SNX3: variants seen among roughly 807,000 people sequenced by gnomAD.
SNX3 encodes the protein sorting nexin-3.
A neutral mutation model predicts 17.7 loss-of-function variants in SNX3; 5 were observed. The observed-to-expected ratio is 0.28, with a 90% CI of 0.15 to 0.59. The LOEUF is 0.59. SNX3 is among the 20% of genes least tolerant of loss of function. The probability of loss-of-function intolerance (pLI) is 0.88; values close to 1 mark genes in which losing one functional copy is unlikely to be tolerated. For missense variants in SNX3, 132 were observed against 206.8 expected (o/e 0.64, Z 2.22); for synonymous variants, 91 against 76.5 (o/e 1.19, Z -0.99).
chr6:108,219,381 G>A (rs1774685496), intron 2 of SNX3, among the ~76,000 whole-genome samples: 1 of 152,106 alleles, frequency 6.6e-6, no homozygotes, highest in African/African-American at 2.4e-5. Context: ...CAAGGCAGGA[G>A]GATTACTTGA....
At chr6:108,229,182 C>G (rs1775061671) in intron 1 of SNX3, among the ~76,000 whole-genome samples, 1 of 150,628 alleles carries the variant, frequency 6.6e-6, no homozygotes, top group Non-Finnish European at 1.5e-5. Context: ...ATCGCTTGAA[C>G]CCGGGAGGCG....
chr6:108,227,709 CCATTA>C (rs1775017055), intron 1 of SNX3, among the ~76,000 whole-genome samples: 1 of 152,136 alleles, frequency 6.6e-6, no homozygotes, highest in South Asian at 2.1e-4. Flanking sequence ...CATCACTTGC[CCATTA>C]CATATGCAGT....
intron 1 of SNX3, among the ~76,000 whole-genome samples, chr6:108,235,904 T>C (rs1387311753): frequency 6.6e-6 from 1 of 152,098 alleles, no homozygotes; most frequent in Non-Finnish European, 1.5e-5. Flanking sequence ...AGAAAAAGTA[T>C]ATAGACTTGT....
chr6:108,214,670 A>G, intron 2 of SNX3, 48 bp from the exon 3 acceptor site: 1 of 1,583,678 alleles, frequency 6.3e-7, no homozygotes, highest in Non-Finnish European at 8.6e-7. Flanking sequence ...CTGGGTTGTG[A>G]AAATTTATAG....
At position 108,258,457 on chromosome 6, in the gene SNX3, CA is replaced by C. The variant is rs531778288; in HGVS notation, c.162+2302del. Reference sequence around the variant, plus strand: ...TGGGCAACAGAGCGAGACTCCGTCTCAAAAAAAAAAAAAAAAAATTTTCTTT... The same window carrying C: ...TGGGCAACAGAGCGAGACTCCGTCTCAAAAAAAAAAAAAAAAATTTTCTTT... On this transcript the variant is annotated intron_variant, in intron 1 of 3. Transcript: ENST00000230085. Among the ~76,000 whole-genome samples the C allele has an allele frequency of 8.7e-3, 777 of 88,870 alleles. 4 individuals are homozygous for C. Among genetic ancestry groups the C allele is most frequent in the Middle Eastern group, 0.026 (4 of 154 alleles). 58.3% of individuals were successfully genotyped at this position (88,870 alleles called of 152,430 possible). A position where few individuals can be genotyped will look rare whatever the true frequency, so the allele number is the denominator to read the frequency against.
chr6:108,216,610 G>T (rs1191974674), intron 2 of SNX3, among the ~76,000 whole-genome samples: 1 of 152,062 alleles, frequency 6.6e-6, no homozygotes, highest in African/African-American at 2.4e-5. Context: ...AGAACAAGGA[G>T]AAATATATAT....
At chr6:108,221,532 CTT>C (rs554429322) in intron 2 of SNX3, among the ~76,000 whole-genome samples, 4 of 57,780 alleles carry the variant, frequency 6.9e-5, no homozygotes, top group South Asian at 9.6e-4. Context: ...CAGTATTACA[CTT>C]TTTTTTTTTT....
intron 1 of SNX3, among the ~76,000 whole-genome samples, chr6:108,237,135 A>G (rs1775370802): frequency 6.6e-6 from 1 of 152,238 alleles, no homozygotes; most frequent in Non-Finnish European, 1.5e-5. Flanking sequence ...GCTTAGCACA[A>G]TTTAAAATAT....
intron 1 of SNX3, 142 bp from the exon 2 acceptor site, chr6:108,223,187 G>A (rs2114716703): frequency 1.7e-6 from 1 of 590,492 alleles, no homozygotes; most frequent in Non-Finnish European, 3.0e-6. Context: ...TGCCTAGGCT[G>A]GAGTGCAATG....
intron 1 of SNX3, chr6:108,252,536 A>G (rs1356989231): frequency 2.6e-5 from 4 of 152,296 alleles, no homozygotes; most frequent in African/African-American, 9.7e-5. Flanking sequence ...ACTGTGTCCG[A>G]GGCAATGATG....
At chr6:108,225,170 TA>T (rs2114719930) in intron 1 of SNX3, among the ~76,000 whole-genome samples, 1 of 152,210 alleles carries the variant, frequency 6.6e-6, no homozygotes, top group South Asian at 2.1e-4. Flanking sequence ...CAGTTCCAGC[TA>T]CTCAGGAGGC....
At chr6:108,256,685 C>T (rs931580204) in intron 1 of SNX3, among the ~76,000 whole-genome samples, 2 of 152,102 alleles carry the variant, frequency 1.3e-5, no homozygotes, top group African/African-American at 4.8e-5. Context: ...ACAGTGGTCT[C>T]CAGGTAAAAT....
intron 2 of SNX3, among the ~76,000 whole-genome samples, chr6:108,217,627 A>C (rs677824): frequency 0.086 from 12,987 of 151,874 alleles, 733 homozygotes; most frequent in Admixed American, 0.17. Context: ...ATGGTGGTGC[A>C]TGCTTGTAAC....
rs943521845 is a variant in SNX3, at chr6:108,235,151, A to G, written c.163-12106T>C. ...TGGCTTGGCCATGTGACTGCCTTTG[A>G]TCAAACATTTGTGAATTGGGGCCTG... is the stretch of plus-strand genomic sequence containing the variant. On this transcript the variant is annotated intron_variant, in intron 1 of 3. Coordinates refer to ENST00000230085, the MANE Select transcript of SNX3 (RefSeq NM_003795.6). Among the ~76,000 whole-genome samples, 3 of 152,274 alleles carry G rather than the reference A, an allele frequency of 2.0e-5. No individual in the cohort carries two copies. The South Asian group carries it at 6.2e-4, about 32-fold the overall frequency.
At chr6:108,247,529 A>G (rs1055252573) in intron 1 of SNX3, among the ~76,000 whole-genome samples, 3 of 151,776 alleles carry the variant, frequency 2.0e-5, no homozygotes, top group African/African-American at 7.3e-5. Context: ...CACCATGCCC[A>G]GATAATTAAA....
chr6:108,240,034 G>A (rs1004645383), intron 1 of SNX3, among the ~76,000 whole-genome samples: 2 of 152,102 alleles, frequency 1.3e-5, no homozygotes, highest in Non-Finnish European at 2.9e-5. Flanking sequence ...GGGAACTGCT[G>A]GAATAGTAGA....
intron 1 of SNX3, among the ~76,000 whole-genome samples, chr6:108,242,180 G>A (rs1054991644): frequency 2.0e-5 from 3 of 152,120 alleles, no homozygotes; most frequent in African/African-American, 7.2e-5. Flanking sequence ...AGAATGAACA[G>A]AGCATCAGGG....
At chr6:108,249,079 G>C (rs1397116904) in intron 1 of SNX3, among the ~76,000 whole-genome samples, 1 of 152,124 alleles carries the variant, frequency 6.6e-6, no homozygotes, top group Admixed American at 6.5e-5. Flanking sequence ...CATTAAGACA[G>C]GTGTAATGGC....
intron 1 of SNX3, among the ~76,000 whole-genome samples, chr6:108,242,962 T>C (rs1308586375): frequency 6.6e-6 from 1 of 152,158 alleles, no homozygotes; most frequent in African/African-American, 2.4e-5. Context: ...CCAACCTCCT[T>C]GATTGTAGGC....
Sources: allele counts gnomAD v4.1 joint callset (sites outside exome capture counted in the v4.1 genomes callset), GRCh38; gene constraint gnomAD v4.1.1; transcripts MANE v1.5; gene names NCBI Gene and HGNC (gene_info 2026-07-23, HGNC 2026-07-21).